The following ARHGEF3 variants were observed in gnomAD, a reference collection of about 807,000 sequenced individuals.
The protein encoded by ARHGEF3 is Rho guanine nucleotide exchange factor 3.
A neutral mutation model predicts 63.2 loss-of-function variants in ARHGEF3; 28 were observed. The observed-to-expected ratio is 0.44, with a 90% CI of 0.33 to 0.61. The LOEUF (loss-of-function observed/expected upper bound fraction) is 0.61. Ranked by LOEUF, ARHGEF3 falls within the 20% of genes least tolerant of loss-of-function variation. ARHGEF3 has a pLI of 0.03. For missense variants in ARHGEF3, 533 were observed against 659.3 expected, an observed-to-expected ratio of 0.81 and a Z score of 2.10; for synonymous variants, 266 against 254.2, an observed-to-expected ratio of 1.05 and a Z score of -0.44.
intron 2 of ARHGEF3, among the ~76,000 whole-genome samples, chr3:57,026,217 T>C (rs575627882): frequency 1.3e-5 from 2 of 151,978 alleles, no homozygotes; most frequent in Non-Finnish European, 2.9e-5. Context: ...CTGGACAACA[T>C]AGTGAGAGTC....
intron 3 of ARHGEF3, among the ~76,000 whole-genome samples, chr3:56,957,061 A>G (rs950198478): frequency 2.0e-5 from 3 of 152,200 alleles, no homozygotes; most frequent in African/African-American, 7.2e-5. Flanking sequence ...AGATCTGACC[A>G]CACAAGCCTT....
chr3:57,063,419 A>AG, intron 1 of ARHGEF3, among the ~76,000 whole-genome samples: 1 of 152,202 alleles, frequency 6.6e-6, no homozygotes, highest in African/African-American at 2.4e-5. Context: ...AAGGAGGTAA[A>AG]GGCAGAGGCT....
At chr3:57,029,397 C>G (rs562095097) in intron 2 of ARHGEF3, among the ~76,000 whole-genome samples, 10 of 151,758 alleles carry the variant, frequency 6.6e-5, no homozygotes, top group Non-Finnish European at 1.0e-4. Context: ...CCACTACACT[C>G]CAGCTTGGAC....
At chr3:56,753,408 T>C (rs1346899365) in intron 4 of ARHGEF3, 96 bp downstream of exon 4, 1 of 1,068,032 alleles carries the variant, frequency 9.4e-7, no homozygotes, top group Non-Finnish European at 1.4e-6. Flanking sequence ...GTCTTAGTCA[T>C]AAAGACAGTT....
upstream of ARHGEF3, chr3:56,802,074 T>TC: frequency 1.7e-6 from 2 of 1,206,234 alleles, no homozygotes; most frequent in Non-Finnish European, 2.1e-6. Flanking sequence ...CGCGGACACC[T>TC]CCTGGGGCTG....
In ARHGEF3 at chr3:56,768,414, T is replaced by A. The variant is rs750187584; in HGVS notation, c.204+5295A>T. 8.9e-5 allele frequency among the ~76,000 whole-genome samples: 13 copies of A among 146,586 alleles called. No homozygotes were observed. The South Asian group carries it at 2.8e-3, about 32-fold the overall frequency. ...AAACAAAGCACAATAGAAGGTAATTTAAAAAAAAAAGGACAAATGCATTAA... is the reference window on the plus strand; with the variant it reads ...AAACAAAGCACAATAGAAGGTAATTAAAAAAAAAAAGGACAAATGCATTAA... On this transcript the variant is annotated intron_variant, in intron 2 of 9. Coordinates refer to ENST00000296315, the MANE Select transcript of ARHGEF3 (RefSeq NM_019555.3).
At chr3:57,037,051 A>C (rs1560151898) in intron 1 of ARHGEF3, among the ~76,000 whole-genome samples, 1 of 152,218 alleles carries the variant, frequency 6.6e-6, no homozygotes, top group Non-Finnish European at 1.5e-5. Context: ...ACTTGCAAAA[A>C]GCACACCATG....
intron 2 of ARHGEF3, among the ~76,000 whole-genome samples, chr3:56,967,203 T>C (rs1409343620): frequency 7.1e-6 from 1 of 141,752 alleles, no homozygotes; most frequent in South Asian, 2.1e-4. Flanking sequence ...TGAAATATCA[T>C]GTGAACCACA....
At chr3:56,869,444 A>G (rs2040363156) in intron 4 of ARHGEF3, among the ~76,000 whole-genome samples, 1 of 152,260 alleles carries the variant, frequency 6.6e-6, no homozygotes, top group African/African-American at 2.4e-5. Context: ...AGGAAGACAC[A>G]CAAACCACGA....
intron 2 of ARHGEF3, among the ~76,000 whole-genome samples, chr3:56,973,635 G>A (rs1431941592): frequency 6.6e-6 from 1 of 152,116 alleles, no homozygotes; most frequent in Admixed American, 6.5e-5. Flanking sequence ...CAACGCGGAG[G>A]CCAAGTGAAG....
chr3:56,994,643 C>T (rs988620007), intron 2 of ARHGEF3, among the ~76,000 whole-genome samples: 1 of 151,812 alleles, frequency 6.6e-6, no homozygotes, highest in African/African-American at 2.4e-5. Flanking sequence ...ATACTAGCAA[C>T]GGTATGGATG....
At chr3:56,802,206 TC>T (rs1238295113), upstream of ARHGEF3, among the ~76,000 whole-genome samples, 1 of 152,028 alleles carries the variant, frequency 6.6e-6, no homozygotes, top group African/African-American at 2.4e-5. Context: ...CCATGATAGC[TC>T]CTTTCGGGCT....
At chr3:57,019,504 C>T (rs1703158856) in intron 2 of ARHGEF3, among the ~76,000 whole-genome samples, 1 of 152,182 alleles carries the variant, frequency 6.6e-6, no homozygotes, top group Non-Finnish European at 1.5e-5. Context: ...ACAAGTGCTA[C>T]ACCTGATCCC....
intron 4 of ARHGEF3, among the ~76,000 whole-genome samples, chr3:56,881,971 T>A (rs1033608332): frequency 6.6e-6 from 1 of 152,250 alleles, no homozygotes; most frequent in Non-Finnish European, 1.5e-5. Flanking sequence ...GACAAACATC[T>A]GTTCCATCTT....
intron 4 of ARHGEF3, among the ~76,000 whole-genome samples, chr3:56,822,030 G>T (rs1488432401): frequency 3.1e-5 from 4 of 128,130 alleles, no homozygotes; most frequent in Admixed American, 1.5e-4. Context: ...GAAGAGAAGA[G>T]AAGCGAGGAA....
intron 3 of ARHGEF3, among the ~76,000 whole-genome samples, chr3:56,891,141 G>T (rs1240935224): frequency 6.8e-6 from 1 of 147,518 alleles, no homozygotes; most frequent in Non-Finnish European, 1.5e-5. Flanking sequence ...AAGTGAATGA[G>T]AGAATTGAAA....
intron 1 of ARHGEF3, among the ~76,000 whole-genome samples, chr3:56,774,559 G>C (rs1371354676): frequency 6.6e-6 from 1 of 152,138 alleles, no homozygotes; most frequent in Non-Finnish European, 1.5e-5. Flanking sequence ...ATAGGTGGGA[G>C]GGCGCCTACC....
At chr3:56,744,261 C>T (rs2034234521) in intron 7 of ARHGEF3, among the ~76,000 whole-genome samples, 2 of 152,128 alleles carry the variant, frequency 1.3e-5, no homozygotes, top group Admixed American at 6.5e-5. Flanking sequence ...AGTACCTCAA[C>T]CAGAACGGTG....
chr3:57,045,540 A>G (rs1376560342), intron 1 of ARHGEF3, among the ~76,000 whole-genome samples: 1 of 152,184 alleles, frequency 6.6e-6, no homozygotes, highest in Non-Finnish European at 1.5e-5. Context: ...TCCTCACCAC[A>G]AGCAATGGCA....
Sources: allele counts gnomAD v4.1 joint callset (sites outside exome capture counted in the v4.1 genomes callset), GRCh38; gene constraint gnomAD v4.1.1; transcripts MANE v1.5; gene names NCBI Gene and HGNC (gene_info 2026-07-23, HGNC 2026-07-21).